Variants in BRAF observed in about 807,000 individuals in gnomAD.
BRAF encodes the protein B-Raf proto-oncogene, serine/threonine kinase.
BRAF carries 16 observed loss-of-function variants against 104.6 expected under a neutral mutation model. The ratio of observed to expected loss-of-function variants is 0.15; its 90% CI spans 0.10 to 0.23. The LOEUF (loss-of-function observed/expected upper bound fraction) is 0.23, where lower values mean the gene tolerates loss of function less well. BRAF is among the 10% of genes least tolerant of loss of function. The pLI is 1.00. For missense variants in BRAF, 541 were observed against 937.3 expected, an observed-to-expected ratio of 0.58 and a Z score of 5.52; for synonymous variants, 310 against 341.6, an observed-to-expected ratio of 0.91 and a Z score of 1.02.
chr7:140,828,542 TATC>T (rs1806336108), intron 3 of BRAF, among the ~76,000 whole-genome samples: 2 of 152,202 alleles, frequency 1.3e-5, no homozygotes, highest in Non-Finnish European at 2.9e-5. Context: ...AAGTAAGTAA[TATC>T]AGAGTTTCCA....
intron 19 of BRAF, among the ~76,000 whole-genome samples, chr7:140,727,991 T>C (rs1450365664): frequency 6.6e-6 from 1 of 152,162 alleles, no homozygotes; most frequent in Non-Finnish European, 1.5e-5. Flanking sequence ...AATATACTGT[T>C]TAATCCAGGA....
chr7:140,753,074 G>A (rs1219290999), intron 16 of BRAF, among the ~76,000 whole-genome samples: 3 of 151,874 alleles, frequency 2.0e-5, no homozygotes, highest in African/African-American at 7.3e-5. Context: ...GAAATACACT[G>A]AAACTGGTTT....
At chr7:140,739,500 T>C (rs1585956504) in intron 18 of BRAF, among the ~76,000 whole-genome samples, 1 of 128,458 alleles carries the variant, frequency 7.8e-6, no homozygotes, top group African/African-American at 3.2e-5. Flanking sequence ...TTAAAACTTA[T>C]ATAAACAAAA....
At chr7:140,781,891 G>C (rs556927166) in intron 11 of BRAF, among the ~76,000 whole-genome samples, 198 bp from the exon 11 acceptor site, 2 of 152,168 alleles carry the variant, frequency 1.3e-5, no homozygotes, top group East Asian at 1.9e-4. Flanking sequence ...TCAATATTAG[G>C]ATGGAAAAAA....
chr7:140,901,052 T>C (rs920413571), intron 1 of BRAF, among the ~76,000 whole-genome samples: 6 of 152,180 alleles, frequency 3.9e-5, no homozygotes, highest in Non-Finnish European at 5.9e-5. Context: ...GATTCTCCTC[T>C]CCTTTTCTAA....
chr7:140,757,497 C>T lies in BRAF; in HGVS notation c.1815-3264G>A, dbSNP rs190490949. ...TAGAGATGGGGTTTCACCATGTTGG[C>T]TAGGATGGGCTCAGTCTCTTGACCT... On this transcript the variant is annotated intron_variant, in intron 14 of 19. Coordinates refer to ENST00000644969, the MANE Select transcript of BRAF (RefSeq NM_001374258.1). Among the ~76,000 whole-genome samples, 170 of 152,116 alleles carry T rather than the reference C, an allele frequency of 1.1e-3. 2 individuals are homozygous for T. In the East Asian group the frequency reaches 0.031, roughly 28 times the overall value.
chr7:140,723,189 C>T lies in BRAF; in HGVS notation c.*3305G>A, dbSNP rs1395892993. The stretch of plus-strand genomic sequence containing the variant: ...GATGTACAGTGGGGACAGGTGAGAT[C>T]TGAGGAGGATGTGCAGCAGCTCGCA... On this transcript the variant is annotated 3_prime_UTR_variant, in exon 20 of 20. Coordinates refer to ENST00000644969, the MANE Select transcript of BRAF (RefSeq NM_001374258.1). 3.8e-6 allele frequency: 4 copies of T among 1,054,368 alleles called. No individual in the cohort carries two copies. Among genetic ancestry groups the T allele is most frequent in the African/African-American group, 1.7e-5 (1 of 60,394 alleles). The allele number at this position is 1,054,368 out of a possible 1,614,324, so 65.3% of individuals were successfully genotyped here. A position where few individuals can be genotyped will look rare whatever the true frequency, so the allele number is the denominator to read the frequency against.
intron 12 of BRAF, 171 bp downstream of exon 11, chr7:140,781,405 T>C (rs977360192): frequency 1.7e-5 from 12 of 690,750 alleles, no homozygotes; most frequent in Non-Finnish European, 2.8e-5. Context: ...GTGAACAGTT[T>C]TTATTTCCCA....
chr7:140,769,767 G>T (rs1383099026), intron 14 of BRAF, among the ~76,000 whole-genome samples: 1 of 151,966 alleles, frequency 6.6e-6, no homozygotes, highest in Non-Finnish European at 1.5e-5. Context: ...TAGAGTCAGG[G>T]TCGCACAGTG....
chr7:140,892,385 T>A (rs1814342828), intron 1 of BRAF, among the ~76,000 whole-genome samples: 1 of 152,244 alleles, frequency 6.6e-6, no homozygotes, highest in South Asian at 2.1e-4. Context: ...ATCACCTGCT[T>A]GCCAAATCAA....
chr7:140,751,027 A>G (rs1195309427), intron 16 of BRAF, among the ~76,000 whole-genome samples: 1 of 152,208 alleles, frequency 6.6e-6, no homozygotes, highest in Non-Finnish European at 1.5e-5. Flanking sequence ...CTTCTCTCCT[A>G]TGATACGGAT....
rs772346209 is a variant in BRAF at position 140,834,666 on chromosome 7, G to A, written c.447C>T (p.Pro149=). Reference sequence around the variant, plus strand: ...TAACGATAGGTTTTTGTGGTGACTTGGGGTTGCTCCGTGCCACATCTGTGG... The same window carrying A: ...TAACGATAGGTTTTTGTGGTGACTTAGGGTTGCTCCGTGCCACATCTGTGG... ...QNPTDVARSN[P]KSPQKPIVRV... The change falls in exon 3 of 20, where the codon CCC becomes CCT. Residue 149 remains proline (P), a synonymous_variant. Transcript: ENST00000644969. 6 of 1,614,148 alleles carry A rather than the reference G, an allele frequency of 3.7e-6. No homozygotes were observed. The South Asian group carries it at 5.5e-5, about 15-fold the overall frequency.
chr7:140,913,383 T>C (rs1326370931), intron 1 of BRAF, among the ~76,000 whole-genome samples: 1 of 150,284 alleles, frequency 6.7e-6, no homozygotes, highest in Non-Finnish European at 1.5e-5. Context: ...ACTGAATACA[T>C]GAATACCTGT....
chr7:140,750,310 ACAAGATTCC>A (rs1457377361), intron 16 of BRAF, among the ~76,000 whole-genome samples: 2 of 152,230 alleles, frequency 1.3e-5, no homozygotes, highest in Non-Finnish European at 2.9e-5. Flanking sequence ...AAGACCTGGG[ACAAGATTCC>A]TGGTTATTGC....
intron 19 of BRAF, chr7:140,731,932 G>A (rs1023042892): frequency 2.0e-5 from 3 of 151,696 alleles, no homozygotes; most frequent in Non-Finnish European, 4.4e-5. Flanking sequence ...AGCACTTTGG[G>A]AGGCCGAGGC....
intron 2 of BRAF, among the ~76,000 whole-genome samples, chr7:140,846,829 C>T (rs1443760641): frequency 5.3e-5 from 8 of 152,078 alleles, no homozygotes; most frequent in African/African-American, 1.4e-4. Context: ...CAGGTCTTTT[C>T]TCTTGGGCTG....
intron 14 of BRAF, among the ~76,000 whole-genome samples, chr7:140,774,680 C>G (rs1800164670): frequency 6.6e-6 from 1 of 152,172 alleles, no homozygotes; most frequent in Admixed American, 6.5e-5. Context: ...CCACACCTTG[C>G]TAAATTTTTT....
At chr7:140,909,216 G>A (rs1223879133) in intron 1 of BRAF, among the ~76,000 whole-genome samples, 5 of 151,980 alleles carry the variant, frequency 3.3e-5, no homozygotes, top group East Asian at 3.9e-4. Flanking sequence ...ACCTGAGGTC[G>A]GGAGTTCAAG....
chr7:140,722,558 G>A lies in BRAF; in HGVS notation c.*3936C>T. 9.5e-7 allele frequency: 1 copy of A among 1,056,452 alleles called. No homozygotes were observed. Among genetic ancestry groups the A allele is most frequent in the Non-Finnish European group, 1.1e-6 (1 of 873,802 alleles). 65.4% of individuals were successfully genotyped at this position (1,056,452 alleles called of 1,614,324 possible). ...TAAACCTTCCATCTCTGGCTATGGT[G>A]TTTATAGCCTAATGGTTGGAATCTG... On this transcript the variant is annotated 3_prime_UTR_variant, in exon 20 of 20. Coordinates refer to ENST00000644969, the MANE Select transcript of BRAF (RefSeq NM_001374258.1).
Sources: allele counts gnomAD v4.1 joint callset (sites outside exome capture counted in the v4.1 genomes callset), GRCh38; gene constraint gnomAD v4.1.1; transcripts MANE v1.5; gene names NCBI Gene and HGNC (gene_info 2026-07-23, HGNC 2026-07-21).